AVEN: variants seen among roughly 807,000 people sequenced by gnomAD.
AVEN encodes apoptosis and caspase activation inhibitor, also known as cell death regulator Aven.
Under a neutral mutation model 38.1 loss-of-function variants are expected in AVEN, and 41 were observed. The ratio of observed to expected loss-of-function variants is 1.08; its 90% CI spans 0.84 to 1.40. AVEN has a LOEUF of 1.40. AVEN is among the 40% of genes most tolerant of loss of function. The pLI is 0.00. For synonymous variants in AVEN, 206 were observed against 171.8 expected (o/e 1.20, Z -1.56); for missense variants, 605 against 438.8 (o/e 1.38, Z -3.38).
intron 1 of AVEN, among the ~76,000 whole-genome samples, chr15:34,036,893 T>C (rs574281176): frequency 6.6e-6 from 1 of 152,268 alleles, no homozygotes; most frequent in Non-Finnish European, 1.5e-5. Context: ...GTGGATCACC[T>C]GAGGTCAGGA....
rs368868324 is a variant in AVEN, at chr15:33,897,346, A to G, written c.446-21351T>C. 2.6e-3 allele frequency among the ~76,000 whole-genome samples: 395 copies of G among 152,184 alleles called. 2 individuals are homozygous for G. Among genetic ancestry groups the G allele is most frequent in the South Asian group, 0.016 (75 of 4,812 alleles). ...GGACTCACACTCTATCGCCCAGGCT[A>G]GAGTGCAGTGGCATGATCTTGGCTC... On this transcript the variant is annotated intron_variant, in intron 2 of 5. Transcript: ENST00000306730.
At chr15:33,930,231 G>C (rs940163568) in intron 2 of AVEN, among the ~76,000 whole-genome samples, 1 of 151,930 alleles carries the variant, frequency 6.6e-6, no homozygotes, top group African/African-American at 2.4e-5. Context: ...GCAGAACCAT[G>C]TCCCAAGGAG....
intron 11 of AVEN, chr15:33,859,602 G>A: frequency 1.2e-6 from 2 of 1,614,048 alleles, no homozygotes; most frequent in Non-Finnish European, 1.7e-6. Flanking sequence ...GTACGTGGGA[G>A]TGAGAGCAGG....
chr15:34,028,449 C>A (rs1189975435), intron 1 of AVEN, among the ~76,000 whole-genome samples: 1 of 152,012 alleles, frequency 6.6e-6, no homozygotes, highest in African/African-American at 2.4e-5. Flanking sequence ...CTATTTGGTC[C>A]CCATATTCAG....
chr15:33,942,741 G>A (rs539388026), intron 2 of AVEN, among the ~76,000 whole-genome samples: 3 of 152,206 alleles, frequency 2.0e-5, no homozygotes, highest in East Asian at 1.9e-4. Flanking sequence ...GTGAGCCACC[G>A]TGCCCAGCCA....
exon 1 of AVEN, among the ~76,000 whole-genome samples, chr15:34,075,101 C>T (rs1255470370): frequency 2.1e-5 from 3 of 143,812 alleles, no homozygotes; most frequent in Admixed American, 7.3e-5. Context: ...CAGTTGAACC[C>T]GGGAGGTGGA....
intron 2 of AVEN, among the ~76,000 whole-genome samples, chr15:33,961,645 C>G (rs1350397715): frequency 6.6e-6 from 1 of 151,384 alleles, no homozygotes; most frequent in African/African-American, 2.4e-5. Flanking sequence ...AACCCCGTCT[C>G]TACTAAAAAC....
chr15:34,050,713 C>T (rs115653797), intron 5 of AVEN, among the ~76,000 whole-genome samples: 3,919 of 151,984 alleles, frequency 0.026, 171 homozygotes, highest in African/African-American at 0.088. Flanking sequence ...TAGTTTCTGA[C>T]AAAACAGACT....
At chr15:33,977,571 A>C (rs556474381) in intron 2 of AVEN, among the ~76,000 whole-genome samples, 1 of 152,100 alleles carries the variant, frequency 6.6e-6, no homozygotes, top group Non-Finnish European at 1.5e-5. Context: ...GCTCTCCTCC[A>C]AGGACACTTT....
chr15:33,896,737 G>C (rs1231502909), intron 2 of AVEN, among the ~76,000 whole-genome samples: 1 of 152,140 alleles, frequency 6.6e-6, no homozygotes. Context: ...TGAGTCTCAA[G>C]TTAAACATCA....
At chr15:33,937,230 C>A (rs1164159174) in intron 2 of AVEN, among the ~76,000 whole-genome samples, 1 of 149,378 alleles carries the variant, frequency 6.7e-6, no homozygotes, top group Non-Finnish European at 1.5e-5. Flanking sequence ...CAACTGTTAG[C>A]AACATTTTAA....
chr15:33,976,445 T>C (rs1395708176), intron 2 of AVEN, among the ~76,000 whole-genome samples: 1 of 139,362 alleles, frequency 7.2e-6, no homozygotes, highest in Admixed American at 7.9e-5. Context: ...CAACAACCAA[T>C]ACCCATGGAC....
At chr15:33,934,919 C>T (rs1393011215) in intron 2 of AVEN, among the ~76,000 whole-genome samples, 2 of 152,056 alleles carry the variant, frequency 1.3e-5, no homozygotes, top group African/African-American at 2.4e-5. Context: ...TTAAATGAAA[C>T]GATGTAAGTA....
At chr15:34,054,635 G>A (rs1173146384) in intron 5 of AVEN, among the ~76,000 whole-genome samples, 2 of 152,160 alleles carry the variant, frequency 1.3e-5, no homozygotes, top group African/African-American at 2.4e-5. Context: ...TGAATGATGA[G>A]AGAACACAAG....
At chr15:34,065,816 T>C (rs1380791998) in intron 4 of AVEN, 1 of 152,220 alleles carries the variant, frequency 6.6e-6, no homozygotes, top group Non-Finnish European at 1.5e-5. Flanking sequence ...GAAGCACTCC[T>C]GTCAGACATT....
Position 33,983,166 on chromosome 15 carries a change from GTGTGTA to G in AVEN, c.445+19860_445+19865del, listed in dbSNP as rs764511162. 2.7e-3 allele frequency among the ~76,000 whole-genome samples: 313 copies of G among 117,598 alleles called. 4 individuals are homozygous for G. Among genetic ancestry groups the G allele is most frequent in the Middle Eastern group, 4.0e-3 (1 of 250 alleles). The allele number at this position is 117,598 out of a possible 152,430, so 77.1% of individuals were successfully genotyped here. A position where few individuals can be genotyped will look rare whatever the true frequency, so the allele number is the denominator to read the frequency against. ...TGTGTGTGTGTGTGTGTGTATGTGT[GTGTGTA>G]TATATACACACGTGTGTGTATGTGT... On this transcript the variant is annotated intron_variant, in intron 2 of 5. Coordinates refer to ENST00000306730, the MANE Select transcript of AVEN (RefSeq NM_020371.3).
chr15:34,022,365 T>C (rs6495459), intron 1 of AVEN, among the ~76,000 whole-genome samples: 43,560 of 152,134 alleles, frequency 0.29, 7,772 homozygotes, highest in African/African-American at 0.49. Context: ...CTCTTTTCAA[T>C]TGTGACCTTT....
chr15:33,862,151 T>C (rs370402213), downstream of AVEN, among the ~76,000 whole-genome samples: 1 of 152,136 alleles, frequency 6.6e-6, no homozygotes, highest in Non-Finnish European at 1.5e-5. Context: ...AAAAATAAAA[T>C]GCTGGGCTCT....
Position 33,938,994 on chromosome 15 carries a change from A to G in AVEN, c.446-62999T>C, listed in dbSNP as rs1894208208. 1.3e-5 allele frequency among the ~76,000 whole-genome samples: 2 copies of G among 152,062 alleles called. 1 individual carries two copies. The highest frequency in any genetic ancestry group is 4.2e-4 in the South Asian group (2 of 4,816). ...GAAGCTGGGATTACAGGTGCCCACC[A>G]TTACGCCCGGCTAATTTTTGGTATT... On this transcript the variant is annotated intron_variant, in intron 2 of 5. Transcript: ENST00000306730.
Sources: gnomAD v4.1 joint callset for allele counts (sites outside exome capture counted in the v4.1 genomes callset) on GRCh38, gnomAD v4.1.1 for gene constraint, MANE v1.5 for transcripts, NCBI Gene and HGNC (gene_info 2026-07-23, HGNC 2026-07-21) for gene names.